Variants in FBRSL1 observed in about 807,000 individuals in gnomAD.
FBRSL1 encodes fibrosin-1-like protein.
A neutral mutation model predicts 89.6 loss-of-function variants in FBRSL1; 51 were observed. That is an observed-to-expected ratio of 0.57 (90% confidence interval 0.45 to 0.72). The LOEUF (loss-of-function observed/expected upper bound fraction) is 0.72, where lower values mean the gene tolerates loss of function less well. Among genes scored for constraint, FBRSL1 ranks in the 30% least tolerant of loss-of-function variants. The pLI, the probability that FBRSL1 is intolerant of heterozygous loss-of-function variation, is 0.00. For missense variants in FBRSL1, 1,618 were observed against 1,451.8 expected (o/e 1.11, Z -1.86); for synonymous variants, 779 against 681.1 (o/e 1.14, Z -2.24).
At chr12:132,579,526 A>G (rs963589867) in intron 15 of FBRSL1, among the ~76,000 whole-genome samples, 4 of 152,262 alleles carry the variant, frequency 2.6e-5, no homozygotes, top group African/African-American at 4.8e-5. Flanking sequence ...ATCCTGCTAA[A>G]TTCTTACGAA....
intron 1 of FBRSL1, 73 bp downstream of exon 1, chr12:132,490,934 C>A: frequency 9.2e-7 from 1 of 1,091,974 alleles, no homozygotes; most frequent in South Asian, 2.1e-5. Context: ...CGGGCGATCC[C>A]GGGACCCCTG....
chr12:132,563,924 C>T (rs1159686814), intron 5 of FBRSL1, among the ~76,000 whole-genome samples: 1 of 130,004 alleles, frequency 7.7e-6, no homozygotes, highest in African/African-American at 3.2e-5. Flanking sequence ...CCCTGCACCC[C>T]TCCAGCTGAC....
At chr12:132,506,855 C>G (rs905969405) in intron 1 of FBRSL1, among the ~76,000 whole-genome samples, 1 of 152,138 alleles carries the variant, frequency 6.6e-6, no homozygotes, top group Non-Finnish European at 1.5e-5. Flanking sequence ...AGCTGGGCCT[C>G]GGGGAGGCAA....
chr12:132,523,092 G>A (rs1011563864), intron 2 of FBRSL1, among the ~76,000 whole-genome samples: 2 of 152,130 alleles, frequency 1.3e-5, no homozygotes, highest in Non-Finnish European at 2.9e-5. Context: ...CAGGGCAAAA[G>A]GGGCCCCCTC....
intron 4 of FBRSL1, among the ~76,000 whole-genome samples, chr12:132,533,284 T>C (rs12826348): frequency 0.67 from 30,878 of 45,746 alleles, 10,787 homozygotes; most frequent in African/African-American, 0.85. Context: ...AGTCTCCTCC[T>C]GACCCAGCCT....
chr12:132,582,392 C>T (rs1210815787), intron 18 of FBRSL1, 126 bp downstream of exon 18: 14 of 672,916 alleles, frequency 2.1e-5, no homozygotes, highest in African/African-American at 7.2e-5. Flanking sequence ...TCACCGTTCC[C>T]CCTCCCCCTG....
chr12:132,535,655 C>A (rs376633487), intron 4 of FBRSL1, among the ~76,000 whole-genome samples: 7 of 152,264 alleles, frequency 4.6e-5, no homozygotes, highest in African/African-American at 1.7e-4. Context: ...CCCAAGCACA[C>A]TAGGCCCAGC....
intron 4 of FBRSL1, among the ~76,000 whole-genome samples, chr12:132,545,429 C>T (rs753252551): frequency 4.6e-5 from 7 of 152,234 alleles, no homozygotes; most frequent in South Asian, 2.1e-4. Context: ...AATTCATTCA[C>T]GCCCCTGCCT....
intron 2 of FBRSL1, among the ~76,000 whole-genome samples, chr12:132,522,162 A>G (rs903351157): frequency 1.6e-4 from 24 of 152,074 alleles, no homozygotes; most frequent in Non-Finnish European, 3.2e-4. Flanking sequence ...TCCTGGCTGC[A>G]TGGCGGGGCC....
chr12:132,582,736 G>A (rs1010975766), intron 18 of FBRSL1, among the ~76,000 whole-genome samples: 20 of 152,138 alleles, frequency 1.3e-4, no homozygotes, highest in African/African-American at 3.4e-4. Context: ...GGGAGCCGAA[G>A]TCGCTGCAGG....
intron 11 of FBRSL1, among the ~76,000 whole-genome samples, chr12:132,573,429 A>G (rs906042793): frequency 2.0e-5 from 3 of 151,980 alleles, no homozygotes; most frequent in Non-Finnish European, 2.9e-5. Context: ...GGACCCCCAG[A>G]CCCCGTGGTT....
intron 2 of FBRSL1, among the ~76,000 whole-genome samples, chr12:132,524,552 A>G (rs1463011746): frequency 6.6e-6 from 1 of 152,254 alleles, no homozygotes; most frequent in Non-Finnish European, 1.5e-5. Flanking sequence ...CACACCAGCC[A>G]GTCCTGGGAC....
chr12:132,508,264 C>T lies in FBRSL1; in HGVS notation c.403C>T (p.Arg135Trp), dbSNP rs370487049. The stretch of plus-strand genomic sequence containing the variant: ...CCCTGCGGAGCCCAGTGAGAACAGG[C>T]GGCCCCTGGAGGCAGGCAGCCCCGG... ...CPPAEPSENRRPLEAGSPGQD... is the reference protein window; with the variant it reads ...CPPAEPSENRWPLEAGSPGQD... The change falls in exon 2 of 19, where the codon CGG (arginine) becomes TGG (tryptophan). Residue 135 changes from arginine to tryptophan, a missense_variant. By Grantham distance (101) the Arg-to-Trp change is moderately radical. Transcript: ENST00000680143. 29 of 1,550,524 alleles carry T rather than the reference C, an allele frequency of 1.9e-5. No homozygotes were observed. The highest frequency in any genetic ancestry group is 1.4e-4 in the African/African-American group (10 of 73,052).
intron 3 of FBRSL1, among the ~76,000 whole-genome samples, chr12:132,527,608 AGGGCTGCG>A (rs1206647887): frequency 2.4e-5 from 3 of 125,714 alleles, no homozygotes; most frequent in Non-Finnish European, 5.1e-5. Flanking sequence ...GGCAGGGTTG[AGGGCTGCG>A]GGGCTGCGGG....
chr12:132,510,902 C>T, intron 2 of FBRSL1: 1 of 1,004,766 alleles, frequency 1.0e-6, no homozygotes, highest in East Asian at 1.0e-4. Context: ...ACGCTTGCCC[C>T]TGGCGTGCCA....
chr12:132,494,554 G>T (rs1486889933), intron 1 of FBRSL1, among the ~76,000 whole-genome samples: 1 of 152,248 alleles, frequency 6.6e-6, no homozygotes, highest in Non-Finnish European at 1.5e-5. Flanking sequence ...TCTGGGCTGC[G>T]CCTGGGCCAC....
intron 5 of FBRSL1, among the ~76,000 whole-genome samples, chr12:132,548,296 A>C (rs942285943): frequency 2.0e-5 from 3 of 152,276 alleles, no homozygotes; most frequent in African/African-American, 7.2e-5. Context: ...TGCCCCAGCC[A>C]GGAGGGTGCC....
chr12:132,566,998 G>A (rs1049246153), intron 5 of FBRSL1, among the ~76,000 whole-genome samples: 5 of 152,238 alleles, frequency 3.3e-5, no homozygotes, highest in African/African-American at 4.8e-5. Context: ...CGGTATCCTG[G>A]TTCTCTCACT....
intron 15 of FBRSL1, among the ~76,000 whole-genome samples, chr12:132,578,344 C>CACACACACACACACACACACAT (rs1555290116): frequency 3.9e-5 from 1 of 25,696 alleles, no homozygotes; most frequent in Non-Finnish European, 8.0e-5. Context: ...GACCCTGTCT[C>CACACACACACACACACACACAT]ACACACACAC....
Sources: allele counts gnomAD v4.1 joint callset (sites outside exome capture counted in the v4.1 genomes callset), GRCh38; gene constraint gnomAD v4.1.1; transcripts MANE v1.5; gene names NCBI Gene and HGNC (gene_info 2026-07-23, HGNC 2026-07-21).